INO80E: variants seen among roughly 807,000 people sequenced by gnomAD.
INO80E encodes the protein coiled-coil domain containing 95.
INO80E carries 20 observed loss-of-function variants against 27.3 expected under a neutral mutation model. That is an observed-to-expected ratio of 0.73 (90% CI 0.51 to 1.06). The LOEUF (loss-of-function observed/expected upper bound fraction) is 1.06. INO80E is among the 50% of genes least tolerant of loss of function. The pLI, the probability that INO80E is intolerant of heterozygous loss-of-function variation, is 0.00. For synonymous variants in INO80E, 167 were observed against 145.9 expected (o/e 1.14, Z -1.04); for missense variants, 357 against 322.8 (o/e 1.11, Z -0.81).
chr16:29,998,359 T>G (rs1596666012), intron 3 of INO80E, among the ~76,000 whole-genome samples: 1 of 150,826 alleles, frequency 6.6e-6, no homozygotes, highest in East Asian at 1.9e-4. Flanking sequence ...CAGAATAATA[T>G]AAATGCAGCT....
At chr16:29,999,694 T>A (rs1489390349) in intron 3 of INO80E, 2 of 152,226 alleles carry the variant, frequency 1.3e-5, no homozygotes, top group African/African-American at 2.4e-5. Context: ...ACGAAATAGG[T>A]CAGTGTGCTT....
At position 29,996,316 on chromosome 16, in the gene INO80E, C is replaced by A. The variant is rs759968730; in HGVS notation, c.6C>A (p.Asn2Lys). 6.3e-7 allele frequency: 1 copy of A among 1,593,974 alleles called. No homozygotes were observed. The highest frequency in any genetic ancestry group is 1.1e-5 in the South Asian group (1 of 88,396). The change falls in exon 1 of 7, where the codon AAC becomes AAA. Residue 2 changes from asparagine to lysine, a missense_variant. Transcript: ENST00000563197. Reference sequence around the variant, plus strand: ...GCGCCACTCCCGGGCCGGTCATGAACGGGCCGGCGGACGGCGAAGTGGACT... The same window carrying A: ...GCGCCACTCCCGGGCCGGTCATGAAAGGGCCGGCGGACGGCGAAGTGGACT... M[N>K]GPADGEVDYK...
chr16:29,996,306 C>T lies in INO80E; in HGVS notation c.-5C>T. On this transcript the variant is annotated 5_prime_UTR_variant, in exon 1 of 7. Transcript: ENST00000563197. Reference sequence around the variant, plus strand: ...CAGACTCTGGGCGCCACTCCCGGGCCGGTCATGAACGGGCCGGCGGACGGC... The same window carrying T: ...CAGACTCTGGGCGCCACTCCCGGGCTGGTCATGAACGGGCCGGCGGACGGC... 1.3e-6 allele frequency: 2 copies of T among 1,590,604 alleles called. No homozygotes were observed. Among genetic ancestry groups the T allele is most frequent in the Non-Finnish European group, 1.7e-6 (2 of 1,168,630 alleles).
At position 29,996,259 on chromosome 16, in the gene INO80E, A is replaced by C. The variant is rs1351160964; in HGVS notation, c.-52A>C. 1 of 1,523,646 alleles carries C rather than the reference A, an allele frequency of 6.6e-7. No homozygotes were observed. Among genetic ancestry groups the C allele is most frequent in the Non-Finnish European group, 8.9e-7 (1 of 1,122,230 alleles). 94.4% of individuals were successfully genotyped at this position (1,523,646 alleles called of 1,614,324 possible). A position where few individuals can be genotyped will look rare whatever the true frequency, so the allele number is the denominator to read the frequency against. On this transcript the variant is annotated 5_prime_UTR_variant, in exon 1 of 7. Transcript: ENST00000563197. ...TGGAGGCGGGAGCGGCACGGCAGCC[A>C]CTGCTTGGGGTAGCGGGAGGGCAGA...
At chr16:29,997,544 G>A (rs1225592281) in intron 3 of INO80E, among the ~76,000 whole-genome samples, 2 of 151,886 alleles carry the variant, frequency 1.3e-5, no homozygotes, top group African/African-American at 4.8e-5. Context: ...TCACAAGGTC[G>A]GGAGTTCAAG....
intron 3 of INO80E, 78 bp downstream of exon 3, chr16:29,996,938 G>T (rs1360463239): frequency 7.1e-7 from 1 of 1,403,422 alleles, no homozygotes; most frequent in Non-Finnish European, 1.0e-6. Flanking sequence ...CGCCTTTTAG[G>T]CAGTGGTGGC....
rs199546883 is a variant in INO80E at position 30,001,020 on chromosome 16, C to A, written c.376C>A (p.Pro126Thr). ...TGFPLQASGV[P>T]SPYLSSLASS... ...GTTTCCCCTTCAGGCCTCCGGGGTC[C>A]CCTCCCCATACCTGAGCTCGGTGAG... is the stretch of plus-strand genomic sequence containing the variant. The change falls in exon 5 of 7, where the codon CCC becomes ACC. Residue 126 changes from proline to threonine, a missense_variant. Physicochemically the swap from Pro to Thr is conservative, Grantham distance 38. Coordinates refer to ENST00000563197, the MANE Select transcript of INO80E (RefSeq NM_173618.3). The A allele has an allele frequency of 7.1e-6, 11 of 1,550,288 alleles. No individual in the cohort carries two copies. The highest frequency in any genetic ancestry group is 9.6e-6 in the Non-Finnish European group (11 of 1,147,230).
intron 6 of INO80E, chr16:30,001,761 G>A (rs1338356369): frequency 8.1e-6 from 4 of 496,660 alleles, no homozygotes; most frequent in Middle Eastern, 5.4e-4. Context: ...CAGGGATCCC[G>A]CCCTTTCATG....
At chr16:30,001,388 A>C in intron 5 of INO80E, 26 bp from the exon 6 acceptor site, 1 of 1,559,122 alleles carries the variant, frequency 6.4e-7, no homozygotes, top group Admixed American at 1.9e-5. Context: ...TCCGCCTCCC[A>C]TCTCCATCCC....
intron 5 of INO80E, 33 bp downstream of exon 5, chr16:30,001,073 G>C (rs1349567658): frequency 1.3e-6 from 2 of 1,518,122 alleles, no homozygotes; most frequent in Admixed American, 4.4e-5. Context: ...AAGTGCTTGG[G>C]AGTAAGGTGG....
rs1477066509 is a variant in INO80E, at chr16:30,003,560, A to G, written c.514-1661A>G. Reference sequence around the variant, plus strand: ...TGTCAGGCCTGAGTTGGACTTGGCCAGCTTTGAATCCCAGCTCTTCCAGTG... The same window carrying G: ...TGTCAGGCCTGAGTTGGACTTGGCCGGCTTTGAATCCCAGCTCTTCCAGTG... On this transcript the variant is annotated intron_variant, in intron 6 of 6. Transcript: ENST00000563197. This position sits in a 1 kb window ranked among gnomAD's most constrained non-coding sequence, Gnocchi z 4.4. 6.6e-6 allele frequency: 1 copy of G among 152,220 alleles called. No homozygotes were observed. The highest frequency in any genetic ancestry group is 2.4e-5 in the African/African-American group (1 of 41,418). 9.4% of individuals were successfully genotyped at this position (152,220 alleles called of 1,614,324 possible).
At chr16:29,999,671 C>T (rs1415655282) in intron 3 of INO80E, 1 of 152,162 alleles carries the variant, frequency 6.6e-6, no homozygotes, top group Non-Finnish European at 1.5e-5. Context: ...CTAGGAAATA[C>T]ATTTCTTTTT....
At chr16:29,997,044 G>C (rs1044265451) in intron 3 of INO80E, among the ~76,000 whole-genome samples, 184 bp downstream of exon 3, 10 of 152,226 alleles carry the variant, frequency 6.6e-5, no homozygotes, top group African/African-American at 2.4e-4. Context: ...TTGTGTTTCA[G>C]GCACTGTGCT....
intron 3 of INO80E, 90 bp downstream of exon 3, chr16:29,996,950 G>GC: frequency 4.8e-6 from 6 of 1,260,954 alleles, no homozygotes; most frequent in Non-Finnish European, 7.0e-6. Context: ...AGTGGTGGCT[G>GC]ATGCAGCCCC....
At chr16:29,999,832 CTG>C (rs2070281688) in intron 3 of INO80E, among the ~76,000 whole-genome samples, 1 of 151,698 alleles carries the variant, frequency 6.6e-6, no homozygotes, top group Non-Finnish European at 1.5e-5. Context: ...TTAGGTCACT[CTG>C]GGGTTGGGGG....
At chr16:29,997,709 G>A (rs1329069712) in intron 3 of INO80E, among the ~76,000 whole-genome samples, 3 of 150,856 alleles carry the variant, frequency 2.0e-5, no homozygotes, top group South Asian at 2.1e-4. Context: ...AGCCGAGATC[G>A]CTGCCACTGC....
chr16:29,997,036 G>T (rs1261594240), intron 3 of INO80E, among the ~76,000 whole-genome samples, 176 bp downstream of exon 3: 2 of 152,224 alleles, frequency 1.3e-5, no homozygotes, highest in Non-Finnish European at 2.9e-5. Flanking sequence ...AGCACCTATT[G>T]TGTTTCAGGC....
chr16:29,998,788 G>A (rs1197521069), intron 3 of INO80E, among the ~76,000 whole-genome samples: 1 of 152,174 alleles, frequency 6.6e-6, no homozygotes, highest in East Asian at 1.9e-4. Context: ...GCTCACGCTT[G>A]TAATCCCAGC....
At chr16:29,997,195 C>T (rs2070158458) in intron 3 of INO80E, among the ~76,000 whole-genome samples, 1 of 152,162 alleles carries the variant, frequency 6.6e-6, no homozygotes, top group Admixed American at 6.5e-5. Flanking sequence ...GTAATGAAAA[C>T]AGTTATGCGG....
Sources: gnomAD v4.1 joint callset for allele counts (sites outside exome capture counted in the v4.1 genomes callset) on GRCh38, gnomAD v4.1.1 for gene constraint, Gnocchi (gnomAD v3.1) non-coding constraint, MANE v1.5 for transcripts, NCBI Gene and HGNC (gene_info 2026-07-23, HGNC 2026-07-21) for gene names.